The following ALG9 variants were observed in gnomAD, a reference collection of about 807,000 sequenced individuals.
The protein encoded by ALG9 is alpha-1,2-mannosyltransferase ALG9.
In ALG9, 55 loss-of-function variants were observed where a neutral mutation model predicts 81.8. The ratio of observed to expected loss-of-function variants is 0.67; its 90% CI spans 0.54 to 0.84. ALG9 has a LOEUF of 0.84. ALG9 is among the 40% of genes least tolerant of loss of function. The probability of loss-of-function intolerance (pLI) is 0.00; values close to 1 mark genes in which losing one functional copy is unlikely to be tolerated. For missense variants in ALG9, 629 were observed against 745.0 expected (o/e 0.84, Z 1.81); for synonymous variants, 278 against 274.3 (o/e 1.01, Z -0.13).
At chr11:111,790,157 C>T (rs1461869320) in intron 14 of ALG9, among the ~76,000 whole-genome samples, 8 of 152,096 alleles carry the variant, frequency 5.3e-5, no homozygotes, top group Admixed American at 2.6e-4. Flanking sequence ...CATGGTGAAA[C>T]CCTGTCTCTA....
chr11:111,800,931 G>A (rs1949034193), intron 14 of ALG9, among the ~76,000 whole-genome samples: 1 of 152,152 alleles, frequency 6.6e-6, no homozygotes, highest in Non-Finnish European at 1.5e-5. Flanking sequence ...TTAGATTTTA[G>A]GAACTTAAAC....
At chr11:111,772,135 C>G in the ALG9 span, among the ~76,000 whole-genome samples, 1 of 152,156 alleles carries the variant, frequency 6.6e-6, no homozygotes, top group Non-Finnish European at 1.5e-5. Flanking sequence ...AGAAATAGGA[C>G]AGCCGGGCAA....
In ALG9 at chr11:111,840,512, TTAA is replaced by T. The variant is rs1437163388; in HGVS notation, c.1173+140_1173+142del. 4.7e-5 allele frequency: 45 copies of T among 964,008 alleles called. No individual in the cohort carries two copies. In the East Asian group the frequency reaches 9.5e-4, roughly 20 times the overall value. The allele number at this position is 964,008 out of a possible 1,614,324, so 59.7% of individuals were successfully genotyped here. A position where few individuals can be genotyped will look rare whatever the true frequency, so the allele number is the denominator to read the frequency against. ...AGCTAAGCAATCAATATAAGAAGGT[TTAA>T]TAATATGATCTATATCAGGTTTAAT... On this transcript the variant is annotated intron_variant, in intron 10 of 14. Coordinates refer to ENST00000616540, the MANE Select transcript of ALG9 (RefSeq NM_024740.2).
At chr11:111,791,939 T>C (rs1947486948) in intron 14 of ALG9, among the ~76,000 whole-genome samples, 1 of 152,156 alleles carries the variant, frequency 6.6e-6, no homozygotes, top group African/African-American at 2.4e-5. Context: ...CAAAATTAGT[T>C]GGCTGTGGTG....
At chr11:111,823,680 T>C (rs1368864457) in intron 13 of ALG9, among the ~76,000 whole-genome samples, 6 of 152,188 alleles carry the variant, frequency 3.9e-5, no homozygotes, top group Admixed American at 3.9e-4. Flanking sequence ...TTTAGCAATA[T>C]AAAAAGTCTG....
chr11:111,846,118 T>A (rs1436844588), intron 8 of ALG9, among the ~76,000 whole-genome samples: 1 of 152,276 alleles, frequency 6.6e-6, no homozygotes, highest in Non-Finnish European at 1.5e-5. Context: ...ATGTCTTTTC[T>A]GAATCTTAAT....
chr11:111,838,195 A>G, intron 11 of ALG9, 54 bp downstream of exon 11: 1 of 1,603,574 alleles, frequency 6.2e-7, no homozygotes, highest in East Asian at 2.2e-5. Flanking sequence ...ATCAAGTAAA[A>G]CCTAAGAGCA....
rs115595862 is a variant in ALG9 at position 111,794,181 on chromosome 11, A to G, written c.1734-7661T>C. 3.1e-3 allele frequency among the ~76,000 whole-genome samples: 470 copies of G among 152,346 alleles called. 3 individuals carry two copies. Among genetic ancestry groups the G allele is most frequent in the African/African-American group, 0.01 (422 of 41,580 alleles). ...TTTAAATCTGCTCTTGCTGACGTCA[A>G]TGAATGACTGGCTGCCAGTCCCTGA... is the stretch of plus-strand genomic sequence containing the variant. On this transcript the variant is annotated intron_variant, in intron 14 of 14. Transcript: ENST00000616540.
At chr11:111,857,496 C>T in intron 6 of ALG9, 106 bp downstream of exon 6, 1 of 1,454,812 alleles carries the variant, frequency 6.9e-7, no homozygotes, top group Non-Finnish European at 9.6e-7. Context: ...CTTTGAAAGC[C>T]CAATTGATTA....
At position 111,807,734 on chromosome 11, in the gene ALG9, G is replaced by A. The variant is rs72645440; in HGVS notation, c.1733+1909C>T. 2.3e-4 allele frequency among the ~76,000 whole-genome samples: 35 copies of A among 152,228 alleles called. 1 individual carries two copies. The East Asian group carries it at 6.2e-3, about 27-fold the overall frequency. ...CTTACGCCTGTAATCCTAGCACTTT[G>A]GGGCCGAGGTCGTGCTACTGCACTC... is the stretch of plus-strand genomic sequence containing the variant. On this transcript the variant is annotated intron_variant, in intron 14 of 14. Transcript: ENST00000616540.
chr11:111,823,609 T>C (rs1555105922), intron 13 of ALG9, among the ~76,000 whole-genome samples: 1 of 152,202 alleles, frequency 6.6e-6, no homozygotes, highest in Non-Finnish European at 1.5e-5. Context: ...TACAGAAATT[T>C]TGTGGGCTTA....
intron 14 of ALG9, among the ~76,000 whole-genome samples, chr11:111,801,166 C>G: frequency 6.6e-6 from 1 of 152,096 alleles, no homozygotes; most frequent in African/African-American, 2.4e-5. Context: ...TTCAAGATGA[C>G]AGAGGAACTT....
At chr11:111,837,732 GC>G in intron 11 of ALG9, 117 bp from the exon 12 acceptor site, 1 of 1,148,770 alleles carries the variant, frequency 8.7e-7, no homozygotes, top group Non-Finnish European at 1.3e-6. Context: ...GGCAGGAAGG[GC>G]CATAGCCATT....
At chr11:111,854,035 T>A (rs1458609649) in intron 6 of ALG9, among the ~76,000 whole-genome samples, 1 of 151,606 alleles carries the variant, frequency 6.6e-6, no homozygotes, top group East Asian at 1.9e-4. Context: ...GCCAAATAAA[T>A]AAGTACTAAC....
intron 13 of ALG9, among the ~76,000 whole-genome samples, chr11:111,829,493 G>A (rs546754353): frequency 9.1e-4 from 139 of 152,260 alleles, no homozygotes; most frequent in Non-Finnish European, 1.7e-3. Flanking sequence ...AGGTAATAGC[G>A]GGGGAATTCA....
At chr11:111,870,916 A>G in intron 1 of ALG9, 1 of 1,000,420 alleles carries the variant, frequency 1.0e-6, no homozygotes, top group Non-Finnish European at 1.2e-6. Context: ...CCATATGTTG[A>G]CAGCTCCCTT....
intron 8 of ALG9, among the ~76,000 whole-genome samples, chr11:111,848,363 TAG>T (rs1441620431): frequency 8.5e-5 from 13 of 152,168 alleles, no homozygotes; most frequent in African/African-American, 3.1e-4. Flanking sequence ...CAGGAAAGTG[TAG>T]AAAGGTCCCT....
At chr11:111,807,481 C>T (rs782141526) in intron 14 of ALG9, among the ~76,000 whole-genome samples, 23 of 152,182 alleles carry the variant, frequency 1.5e-4, no homozygotes, top group Non-Finnish European at 2.9e-4. Context: ...TAACCCCCAG[C>T]TCTAGTGGAA....
chr11:111,782,604 C>T lies in ALG9; in HGVS notation c.*3793G>A, dbSNP rs1210571906. The stretch of plus-strand genomic sequence containing the variant: ...AGATTAAATTGTACCTCTTCTCCCT[C>T]TTCAGAGAAAATAAAATTAACCAAA... On this transcript the variant is annotated 3_prime_UTR_variant, in exon 15 of 15. Transcript: ENST00000616540. 1.3e-5 allele frequency: 2 copies of T among 152,456 alleles called. No homozygotes were observed. Among genetic ancestry groups the T allele is most frequent in the African/African-American group, 2.4e-5 (1 of 41,452 alleles). 9.4% of individuals were successfully genotyped at this position (152,456 alleles called of 1,614,324 possible). A position where few individuals can be genotyped will look rare whatever the true frequency, so the allele number is the denominator to read the frequency against.
Sources: gnomAD v4.1 joint callset for allele counts (sites outside exome capture counted in the v4.1 genomes callset) on GRCh38, gnomAD v4.1.1 for gene constraint, MANE v1.5 for transcripts, NCBI Gene and HGNC (gene_info 2026-07-23, HGNC 2026-07-21) for gene names.